Variants in SSBP3 observed in about 807,000 individuals in gnomAD.
The protein encoded by SSBP3 is single stranded DNA binding protein 3.
SSBP3 carries 5 observed loss-of-function variants against 69.6 expected under a neutral mutation model. The observed-to-expected ratio is 0.07, with a 90% CI of 0.04 to 0.15. The LOEUF (loss-of-function observed/expected upper bound fraction) is 0.15, where lower values mean the gene tolerates loss of function less well. SSBP3 is among the 10% of genes least tolerant of loss of function. The probability of loss-of-function intolerance (pLI) is 1.00; values close to 1 mark genes in which losing one functional copy is unlikely to be tolerated. For missense variants in SSBP3, 312 were observed against 534.0 expected (o/e 0.58, Z 4.10); for synonymous variants, 196 against 193.4 (o/e 1.01, Z -0.11).
At chr1:54,319,193 G>A (rs1208315412) in intron 4 of SSBP3, among the ~76,000 whole-genome samples, 1 of 152,140 alleles carries the variant, frequency 6.6e-6, no homozygotes, top group Admixed American at 6.5e-5. Context: ...CTTATCCGCA[G>A]CCTACAGATG....
In SSBP3 at chr1:54,338,338, A is replaced by G. The variant is rs138629257; in HGVS notation, c.277-56811T>C. 2.3e-3 allele frequency among the ~76,000 whole-genome samples: 345 copies of G among 152,376 alleles called. 2 individuals are homozygous for G. The highest frequency in any genetic ancestry group is 7.7e-3 in the African/African-American group (320 of 41,582). The stretch of plus-strand genomic sequence containing the variant: ...CTAGACTGTAAAATCCTTGAGGGAC[A>G]ATACCTTATTCTACTTTACTTTGCA... On this transcript the variant is annotated intron_variant, in intron 4 of 17. Transcript: ENST00000610401.
At chr1:54,280,724 G>A (rs543628986) in intron 5 of SSBP3, among the ~76,000 whole-genome samples, 57 of 152,298 alleles carry the variant, frequency 3.7e-4, no homozygotes, top group Non-Finnish European at 7.4e-4. Flanking sequence ...AGACAGAGGA[G>A]GCGGCGCAGA....
At chr1:54,257,049 CT>C in intron 7 of SSBP3, 77 bp downstream of exon 7, 1 of 1,449,882 alleles carries the variant, frequency 6.9e-7, no homozygotes, top group Admixed American at 2.3e-5. Flanking sequence ...TTTCCCTCAA[CT>C]TTCATTTTGT....
intron 7 of SSBP3, among the ~76,000 whole-genome samples, chr1:54,254,102 G>A (rs953215016): frequency 2.6e-5 from 4 of 152,200 alleles, no homozygotes; most frequent in Non-Finnish European, 4.4e-5. Context: ...CAAACTTAAG[G>A]AGGAAAAACA....
At chr1:54,308,600 C>CAAAAA in intron 4 of SSBP3, among the ~76,000 whole-genome samples, 1 of 101,154 alleles carries the variant, frequency 9.9e-6, no homozygotes, top group African/African-American at 3.6e-5. Context: ...GACTCCATCT[C>CAAAAA]AAAAAAAAAA....
At chr1:54,294,692 G>A (rs979905290) in intron 4 of SSBP3, among the ~76,000 whole-genome samples, 1 of 152,124 alleles carries the variant, frequency 6.6e-6, no homozygotes, top group African/African-American at 2.4e-5. Context: ...AGTCCTCTCG[G>A]CCAGCCTCCC....
At position 54,240,077 on chromosome 1, in the gene SSBP3, TGTGTGTGTGTGCGCGC is replaced by T. The variant is rs1167396093; in HGVS notation, c.856+812_856+827del. ...GTGTGTGTGTGTGTGTGTGTGTGTG[TGTGTGTGTGTGCGCGC>T]GCGCGCGTGTGCGTGCGCGCGCGCG... On this transcript the variant is annotated intron_variant, in intron 13 of 17. Coordinates refer to ENST00000610401, the Ensembl canonical transcript of SSBP3. Among the ~76,000 whole-genome samples, 173 of 22,014 alleles carry T rather than the reference TGTGTGTGTGTGCGCGC, an allele frequency of 7.9e-3. 2 individuals are homozygous for T. The highest frequency in any genetic ancestry group is 0.04 in the African/African-American group (166 of 4,118). 14.4% of individuals were successfully genotyped at this position (22,014 alleles called of 152,430 possible). A position where few individuals can be genotyped will look rare whatever the true frequency, so the allele number is the denominator to read the frequency against.
chr1:54,351,977 A>G (rs1646787233), intron 4 of SSBP3, among the ~76,000 whole-genome samples: 1 of 152,216 alleles, frequency 6.6e-6, no homozygotes, highest in African/African-American at 2.4e-5. Context: ...AGGCTTCCAC[A>G]GCATGGAAGG....
At chr1:54,379,507 ATTTGT>A (rs2100715453) in intron 4 of SSBP3, among the ~76,000 whole-genome samples, 2 of 152,302 alleles carry the variant, frequency 1.3e-5, no homozygotes, top group East Asian at 3.9e-4. Flanking sequence ...GAGACGCTTG[ATTTGT>A]TTTGTTTTGA....
intron 4 of SSBP3, among the ~76,000 whole-genome samples, chr1:54,389,387 A>G (rs541812804): frequency 2.6e-5 from 4 of 152,126 alleles, no homozygotes; most frequent in Non-Finnish European, 5.9e-5. Context: ...GGACGAGGTC[A>G]TTAAAAACCA....
At chr1:54,322,962 T>A (rs1011461072) in intron 4 of SSBP3, among the ~76,000 whole-genome samples, 4 of 152,190 alleles carry the variant, frequency 2.6e-5, no homozygotes, top group Non-Finnish European at 5.9e-5. Context: ...TGACAAATAA[T>A]AACTCGTACT....
At chr1:54,356,453 G>A (rs1204539302) in intron 4 of SSBP3, 2 of 152,232 alleles carry the variant, frequency 1.3e-5, no homozygotes, top group African/African-American at 4.8e-5. Flanking sequence ...AAGGAGATGG[G>A]AATAAACAAT....
At chr1:54,384,161 T>C (rs1043849266) in intron 4 of SSBP3, among the ~76,000 whole-genome samples, 2 of 149,476 alleles carry the variant, frequency 1.3e-5, no homozygotes, top group African/African-American at 2.5e-5. Flanking sequence ...ACGGGGCTTC[T>C]AGCCCGAGAG....
chr1:54,318,764 TC>T (rs1646160508), intron 4 of SSBP3, among the ~76,000 whole-genome samples: 1 of 152,142 alleles, frequency 6.6e-6, no homozygotes, highest in South Asian at 2.1e-4. Flanking sequence ...AAGCCGGGAA[TC>T]TTCCCCCTCC....
At chr1:54,257,353 G>A in intron 6 of SSBP3, 167 bp from the exon 7 acceptor site, 1 of 565,370 alleles carries the variant, frequency 1.8e-6, no homozygotes, top group Non-Finnish European at 3.0e-6. Context: ...TTGGGCAGAG[G>A]GAACAATAGA....
intron 4 of SSBP3, among the ~76,000 whole-genome samples, chr1:54,365,597 A>T (rs1338614609): frequency 1.3e-5 from 2 of 152,134 alleles, no homozygotes; most frequent in Non-Finnish European, 2.9e-5. Context: ...CAAGTCACAG[A>T]ACTGGGTGGG....
At chr1:54,305,651 C>T (rs1557515264) in intron 4 of SSBP3, among the ~76,000 whole-genome samples, 1 of 149,512 alleles carries the variant, frequency 6.7e-6, no homozygotes, top group Non-Finnish European at 1.5e-5. Flanking sequence ...GAGAGAGAGA[C>T]GAGGTCTCAT....
At position 54,405,002 on chromosome 1, in the gene SSBP3, G is replaced by A. The variant is rs571033013; in HGVS notation, c.57-72C>T. 2.7e-5 allele frequency: 37 copies of A among 1,380,014 alleles called. No individual in the cohort carries two copies. In the East Asian group the frequency reaches 7.9e-4, roughly 30 times the overall value. 85.5% of individuals were successfully genotyped at this position (1,380,014 alleles called of 1,614,324 possible). Reference sequence around the variant, plus strand: ...TCCCACCGGCGCTCTCCAGGACCTTGCCAGCAGGCTTTGAGCCCTGTCTGC... The same window carrying A: ...TCCCACCGGCGCTCTCCAGGACCTTACCAGCAGGCTTTGAGCCCTGTCTGC... On this transcript the variant is annotated intron_variant, in intron 1 of 17. Transcript: ENST00000610401.
chr1:54,409,592 A>G (rs1649935979), upstream of SSBP3, among the ~76,000 whole-genome samples: 6 of 152,116 alleles, frequency 3.9e-5, no homozygotes, highest in South Asian at 1.2e-3. Context: ...CAATAGGGTT[A>G]GATAAGGCCA....
Sources: allele counts gnomAD v4.1 joint callset (sites outside exome capture counted in the v4.1 genomes callset), GRCh38; gene constraint gnomAD v4.1.1; transcripts MANE v1.5; gene names NCBI Gene and HGNC (gene_info 2026-07-23, HGNC 2026-07-21).